ZNF560: variants seen among roughly 807,000 people sequenced by gnomAD.
ZNF560 encodes zinc finger protein 560.
Under a neutral mutation model 81.8 loss-of-function variants are expected in ZNF560, and 54 were observed. The observed-to-expected ratio is 0.66, with a 90% CI of 0.53 to 0.83. The LOEUF is 0.83. Among genes scored for constraint, ZNF560 ranks in the 40% least tolerant of loss-of-function variants. The pLI, the probability that ZNF560 is intolerant of heterozygous loss-of-function variation, is 0.00. For missense variants in ZNF560, 940 were observed against 932.4 expected (o/e 1.01, Z -0.11); for synonymous variants, 321 against 317.9 (o/e 1.01, Z -0.10).
At chr19:9,477,857 T>C (rs1481795201) in intron 2 of ZNF560, among the ~76,000 whole-genome samples, 2 of 151,676 alleles carry the variant, frequency 1.3e-5, no homozygotes, top group Non-Finnish European at 2.9e-5. Context: ...TACTTAGAAA[T>C]ACACAAAGGA....
At chr19:9,469,492 G>A in intron 8 of ZNF560, 138 bp downstream of exon 8, 1 of 737,318 alleles carries the variant, frequency 1.4e-6, no homozygotes, top group Non-Finnish European at 2.3e-6. Context: ...AATGGAGGAT[G>A]AAAAGTTAAG....
At chr19:9,449,852 C>T in the ZNF560 span, among the ~76,000 whole-genome samples, 24 of 151,950 alleles carry the variant, frequency 1.6e-4, no homozygotes, top group South Asian at 5.0e-3. Context: ...GCCTGTAATC[C>T]CAGTTACTTG....
At chr19:9,483,244 T>C (rs2073323122) in intron 2 of ZNF560, among the ~76,000 whole-genome samples, 1 of 148,424 alleles carries the variant, frequency 6.7e-6, no homozygotes, top group Non-Finnish European at 1.5e-5. Context: ...CTGCCCACCA[T>C]CTGAGATGTG....
chr19:9,476,235 C>G (rs1177490773), intron 2 of ZNF560, among the ~76,000 whole-genome samples: 1 of 152,036 alleles, frequency 6.6e-6, no homozygotes, highest in African/African-American at 2.4e-5. Flanking sequence ...GGCAGCTTCC[C>G]CCATGCTGTT....
chr19:9,467,247 G>A lies in ZNF560; in HGVS notation c.1700C>T (p.Ala567Val). ...SYLTKHLRTH[A>V]GEKPYECMKC... ...CATACATTCATAGGGTTTCTCTCCA[G>A]CGTGTGTTCGTAAATGTTTGGTAAG... The change falls in exon 10 of 10, where the codon GCT becomes GTT. Residue 567 changes from alanine (A) to valine (V), a missense_variant. Transcript: ENST00000301480. The A allele has an allele frequency of 3.7e-6, 6 of 1,614,146 alleles. No individual in the cohort carries two copies. Among genetic ancestry groups the A allele is most frequent in the Non-Finnish European group, 4.2e-6 (5 of 1,180,018 alleles).
chr19:9,456,416 G>A, the ZNF560 span, among the ~76,000 whole-genome samples: 208 of 152,284 alleles, frequency 1.4e-3, 1 homozygote, highest in Middle Eastern at 3.4e-3. Context: ...CCGGGAGAGC[G>A]TATAGGGCAG....
At chr19:9,504,450 TA>T in the ZNF560 span, among the ~76,000 whole-genome samples, 1 of 151,612 alleles carries the variant, frequency 6.6e-6, no homozygotes, top group Non-Finnish European at 1.5e-5. Flanking sequence ...AAATAAAAAT[TA>T]AAAAAAATAA....
chr19:9,477,894 C>A (rs1268685614), intron 2 of ZNF560, among the ~76,000 whole-genome samples: 1 of 151,998 alleles, frequency 6.6e-6, no homozygotes, highest in Non-Finnish European at 1.5e-5. Flanking sequence ...AGAAAAATTA[C>A]AAGATTCAAG....
chr19:9,500,709 C>G (rs1339068533), upstream of ZNF560, among the ~76,000 whole-genome samples: 2 of 151,764 alleles, frequency 1.3e-5, no homozygotes, highest in Admixed American at 1.3e-4. Flanking sequence ...AGTAGGTGGG[C>G]ACTCCCAAGT....
At position 9,471,280 on chromosome 19, in the gene ZNF560, C is replaced by A; in HGVS notation, c.321+16G>T. The A allele has an allele frequency of 1.3e-6, 2 of 1,539,920 alleles. No homozygotes were observed. Among genetic ancestry groups the A allele is most frequent in the Non-Finnish European group, 1.8e-6 (2 of 1,139,376 alleles). On this transcript the variant is annotated intron_variant, in intron 6 of 9. Coordinates refer to ENST00000301480, the MANE Select transcript of ZNF560 (RefSeq NM_152476.3). Reference sequence around the variant, plus strand: ...TCTGAGTGTGAAAAATAAGAAATACCCTTTCTTAACATTACCATTTGTATC... The same window carrying A: ...TCTGAGTGTGAAAAATAAGAAATACACTTTCTTAACATTACCATTTGTATC...
chr19:9,460,644 A>G, the ZNF560 span, among the ~76,000 whole-genome samples: 5 of 152,172 alleles, frequency 3.3e-5, no homozygotes, highest in Admixed American at 1.3e-4. Context: ...CCTCAGTATC[A>G]ATCTTGGCTG....
chr19:9,460,326 G>A, the ZNF560 span, among the ~76,000 whole-genome samples: 1 of 152,214 alleles, frequency 6.6e-6, no homozygotes, highest in African/African-American at 2.4e-5. Flanking sequence ...AGGAAAGCAG[G>A]ACAAGCAGTC....
At chr19:9,449,698 G>A in the ZNF560 span, among the ~76,000 whole-genome samples, 15,041 of 152,226 alleles carry the variant, frequency 0.099, 884 homozygotes, top group South Asian at 0.2. Context: ...GCTGGGCACA[G>A]TGGCTCATGC....
At chr19:9,447,031 G>A in the ZNF560 span, among the ~76,000 whole-genome samples, 1 of 151,836 alleles carries the variant, frequency 6.6e-6, no homozygotes, top group South Asian at 2.1e-4. Context: ...CTACTCGAGA[G>A]GCTGAGGCAG....
At chr19:9,474,591 T>G (rs2073171160) in intron 3 of ZNF560, among the ~76,000 whole-genome samples, 1 of 152,170 alleles carries the variant, frequency 6.6e-6, no homozygotes, top group Admixed American at 6.5e-5. Context: ...CTTTCTCAAC[T>G]TATTTCCCTC....
the ZNF560 span, among the ~76,000 whole-genome samples, chr19:9,449,463 AAAC>A: frequency 2.6e-5 from 4 of 152,212 alleles, no homozygotes; most frequent in African/African-American, 4.8e-5. Flanking sequence ...GAAGGCAAAA[AAAC>A]AAGATACCAA....
chr19:9,483,503 G>A (rs1178627533), intron 2 of ZNF560, among the ~76,000 whole-genome samples: 5 of 147,454 alleles, frequency 3.4e-5, no homozygotes, highest in African/African-American at 5.0e-5. Context: ...GTCAGCCCCC[G>A]CCCGGCCAGC....
chr19:9,499,333 C>A (rs973746461), upstream of ZNF560, among the ~76,000 whole-genome samples: 2 of 152,122 alleles, frequency 1.3e-5, no homozygotes, highest in South Asian at 2.1e-4. Flanking sequence ...CCGCACCCGG[C>A]TAATTTTTGT....
chr19:9,456,958 G>A, the ZNF560 span, among the ~76,000 whole-genome samples: 432 of 152,242 alleles, frequency 2.8e-3, 2 homozygotes, highest in African/African-American at 9.8e-3. Context: ...CTCTTCAAGC[G>A]GAAAGACAAA....
Sources: allele counts gnomAD v4.1 joint callset (sites outside exome capture counted in the v4.1 genomes callset), GRCh38; gene constraint gnomAD v4.1.1; transcripts MANE v1.5; gene names NCBI Gene and HGNC (gene_info 2026-07-23, HGNC 2026-07-21).